Variants in SPANXN3 observed in about 807,000 individuals in gnomAD.
The protein encoded by SPANXN3 is SPANX family member N3, also known as sperm protein associated with the nucleus on the X chromosome N3.
In SPANXN3, 1 loss-of-function variant was observed where a neutral mutation model predicts 1.9. The ratio of observed to expected loss-of-function variants is 0.54; its 90% CI spans 0.19 to 2.54. The LOEUF (loss-of-function observed/expected upper bound fraction) is 2.54. Among genes scored for constraint, SPANXN3 ranks in the 30% most tolerant of loss-of-function variants. The pLI is 0.24. For synonymous variants in SPANXN3, 47 were observed against 40.0 expected, an observed-to-expected ratio of 1.17 and a Z score of -0.66; for missense variants, 113 against 96.2, an observed-to-expected ratio of 1.17 and a Z score of -0.73.
chrX:143,508,825 C>A lies in SPANXN3; in HGVS notation c.416G>T (p.Gly139Val). The A allele has an allele frequency of 8.3e-7, 1 of 1,208,173 alleles. No individual in the cohort carries two copies. Among genetic ancestry groups the A allele is most frequent in the Non-Finnish European group, 1.1e-6 (1 of 892,807 alleles). The change falls in exon 2 of 2, where the codon GGG (glycine) becomes GTG (valine). Residue 139 changes from glycine to valine, a missense_variant. Gly to Val is a moderately radical substitution (Grantham distance 109). Transcript: ENST00000370503. ...GLSEGSSQDS[G>V]ED is the part of the protein sequence containing the mutation. ...TTTCTCCATGTGTGACTAATCCTCC[C>A]CACTGTCCTGTGAAGATCCTTCAGA...
intron 1 of SPANXN3, among the ~76,000 whole-genome samples, chrX:143,515,698 A>T (rs782436443): frequency 9.1e-6 from 1 of 110,289 alleles, no homozygotes; most frequent in South Asian, 4.0e-4. Flanking sequence ...TCCAACTGTT[A>T]AACTTGTTTG....
At chrX:143,514,291 C>T (rs1929165657) in intron 1 of SPANXN3, among the ~76,000 whole-genome samples, 1 of 110,232 alleles carries the variant, frequency 9.1e-6, no homozygotes, top group Non-Finnish European at 1.9e-5. Flanking sequence ...ATTGTTTGAT[C>T]TCAGTGATAA....
intron 1 of SPANXN3, among the ~76,000 whole-genome samples, chrX:143,513,283 C>G (rs1929138299): frequency 8.9e-6 from 1 of 111,991 alleles, no homozygotes; most frequent in Admixed American, 9.4e-5. Flanking sequence ...GACTGCCCAA[C>G]CTCACCAAGC....
chrX:143,516,392 G>A (rs1267870610), intron 1 of SPANXN3, among the ~76,000 whole-genome samples: 1 of 111,617 alleles, frequency 9.0e-6, no homozygotes, highest in African/African-American at 3.3e-5. Context: ...TGGTGTTTCA[G>A]CCTAAACATT....
chrX:143,515,588 T>G (rs1381713778), intron 1 of SPANXN3, among the ~76,000 whole-genome samples: 1 of 111,258 alleles, frequency 9.0e-6, no homozygotes, highest in Non-Finnish European at 1.9e-5. Context: ...CCTCTTTGTC[T>G]GTGGGATACT....
rs1556412855 is a variant in SPANXN3, at chrX:143,517,331, T to C, written c.61A>G (p.Asn21Asp). ...AATCTTACCTCATCATTTTTTTTGT[T>C]ATTGGATTCACAGGGGCTCTTCGTC... ...EKTKSPCESN[N>D]KKNDEMQEVP... is the part of the protein sequence containing the mutation. Residue 21 changes from asparagine (N) to aspartate (D), a missense_variant, in exon 1 of 2, where the codon AAC becomes GAC. Asn to Asp is a conservative substitution (Grantham distance 23, BLOSUM62 1). Transcript: ENST00000370503. 1 of 1,210,900 alleles carries C rather than the reference T, an allele frequency of 8.3e-7. No individual in the cohort carries two copies. The highest frequency in any genetic ancestry group is 2.2e-5 in the Admixed American group (1 of 45,930).
At chrX:143,516,698 T>G (rs1316624432) in intron 1 of SPANXN3, 4 of 113,141 alleles carry the variant, frequency 3.5e-5, no homozygotes, top group African/African-American at 1.3e-4. Context: ...ATCCTTCTCC[T>G]CTGCCAAGTC....
At chrX:143,515,812 A>T in intron 1 of SPANXN3, among the ~76,000 whole-genome samples, 1 of 111,729 alleles carries the variant, frequency 9.0e-6, no homozygotes, top group Admixed American at 9.5e-5. Context: ...TCATTCCCAA[A>T]CCTGTTTATA....
At chrX:143,510,543 C>T (rs1392389793) in intron 1 of SPANXN3, among the ~76,000 whole-genome samples, 4 of 111,469 alleles carry the variant, frequency 3.6e-5, no homozygotes, top group Non-Finnish European at 7.5e-5. Context: ...GTATTCACTC[C>T]CCTCTTCTAA....
intron 1 of SPANXN3, among the ~76,000 whole-genome samples, chrX:143,515,784 C>T (rs1929202484): frequency 8.9e-6 from 1 of 111,831 alleles, no homozygotes; most frequent in Non-Finnish European, 1.9e-5. Context: ...AAGCCTGCAT[C>T]TCACCTACTT....
At chrX:143,512,403 G>A (rs1222605495) in intron 1 of SPANXN3, among the ~76,000 whole-genome samples, 1 of 111,252 alleles carries the variant, frequency 9.0e-6, no homozygotes, top group Non-Finnish European at 1.9e-5. Flanking sequence ...GTGCTTAGGG[G>A]CCTCAAACCT....
In SPANXN3 at chrX:143,508,977, G is replaced by C. The variant is rs782242814; in HGVS notation, c.264C>G (p.Gly88=). The C allele has an allele frequency of 8.3e-7, 1 of 1,210,307 alleles. No homozygotes were observed. ...TTGAAGATCCTTCAGATAAGTCTAC[G>C]CCTTCGTCCTCCTCCTTTTGGATTG... ...INPIQKEEDE[G]VDLSEGSSNE... The change falls in exon 2 of 2, where the codon GGC becomes GGG. Residue 88 remains glycine (G), a synonymous_variant. Coordinates refer to ENST00000370503, the MANE Select transcript of SPANXN3 (RefSeq NM_001009609.4).
intron 1 of SPANXN3, among the ~76,000 whole-genome samples, chrX:143,512,099 T>A (rs1276440103): frequency 9.0e-6 from 1 of 111,127 alleles, no homozygotes; most frequent in African/African-American, 3.3e-5. Flanking sequence ...CACCCACTGT[T>A]TCCTGGTTAT....
intron 1 of SPANXN3, chrX:143,510,071 AC>A (rs781878966): frequency 9.1e-6 from 1 of 110,370 alleles, no homozygotes; most frequent in Non-Finnish European, 1.9e-5. Context: ...CCCTGGACTA[AC>A]CTCCAGATAT....
intron 1 of SPANXN3, among the ~76,000 whole-genome samples, chrX:143,511,307 C>T (rs1308168121): frequency 9.0e-6 from 1 of 111,467 alleles, no homozygotes; most frequent in Admixed American, 9.5e-5. Flanking sequence ...GAAACCAGGC[C>T]ATATGATATC....
At chrX:143,515,801 T>G (rs1556412397) in intron 1 of SPANXN3, among the ~76,000 whole-genome samples, 2 of 111,889 alleles carry the variant, frequency 1.8e-5, no homozygotes, top group Admixed American at 9.5e-5. Context: ...ACTTGACCAG[T>G]TCATTCCCAA....
At chrX:143,512,016 T>C (rs1467239753) in intron 1 of SPANXN3, among the ~76,000 whole-genome samples, 1 of 111,462 alleles carries the variant, frequency 9.0e-6, no homozygotes, top group Non-Finnish European at 1.9e-5. Flanking sequence ...TCGATCTCTA[T>C]TGTGAGAATC....
chrX:143,516,315 GTCT>G (rs1929214383), intron 1 of SPANXN3, among the ~76,000 whole-genome samples: 1 of 112,472 alleles, frequency 8.9e-6, no homozygotes, highest in South Asian at 3.7e-4. Flanking sequence ...CACCCCCAGT[GTCT>G]TCTTCTTTTG....
chrX:143,511,755 C>T (rs782624410), intron 1 of SPANXN3, among the ~76,000 whole-genome samples: 67 of 111,020 alleles, frequency 6.0e-4, no homozygotes, highest in African/African-American at 2.0e-3. Context: ...ACTCTGGAAG[C>T]CTTGCCCCAT....
Sources: gnomAD v4.1 joint callset for allele counts (sites outside exome capture counted in the v4.1 genomes callset) on GRCh38, gnomAD v4.1.1 for gene constraint, MANE v1.5 for transcripts, NCBI Gene and HGNC (gene_info 2026-07-23, HGNC 2026-07-21) for gene names.